The following XCL1 variants were observed in gnomAD, a reference collection of about 807,000 sequenced individuals.
XCL1 encodes the protein lymphotactin.
In XCL1, 6 loss-of-function variants were observed where a neutral mutation model predicts 7.4. That is an observed-to-expected ratio of 0.82 (90% CI 0.45 to 1.61). The LOEUF (loss-of-function observed/expected upper bound fraction) is 1.61. XCL1 is among the 40% of genes most tolerant of loss of function. The probability of loss-of-function intolerance (pLI) is 0.01; values close to 1 mark genes in which losing one functional copy is unlikely to be tolerated. For synonymous variants in XCL1, 48 were observed against 52.4 expected, an observed-to-expected ratio of 0.92 and a Z score of 0.36; for missense variants, 122 against 138.2, an observed-to-expected ratio of 0.88 and a Z score of 0.59.
At position 168,576,992 on chromosome 1, in the gene XCL1, C is replaced by G. The variant is rs186919711; in HGVS notation, c.61+294C>G. On this transcript the variant is annotated intron_variant, in intron 1 of 2. Transcript: ENST00000367818. ...ATTTATGTATAACTGAATAGTATAA[C>G]AGACATGATCACCTGAGATTAAGAT... Among the ~76,000 whole-genome samples, 781 of 151,946 alleles carry G rather than the reference C, an allele frequency of 5.1e-3. 14 individuals carry two copies. The highest frequency in any genetic ancestry group is 0.017 in the African/African-American group (713 of 41,288).
intron 1 of XCL1, among the ~76,000 whole-genome samples, chr1:168,577,434 A>G (rs1314557600): frequency 6.6e-6 from 1 of 152,130 alleles, no homozygotes; most frequent in Non-Finnish European, 1.5e-5. Context: ...AGTTCAATAA[A>G]CCTGCAAGAC....
rs1655045324 is a variant in XCL1 at position 168,577,236 on chromosome 1, C to T, written c.61+538C>T. On this transcript the variant is annotated intron_variant, in intron 1 of 2. Transcript: ENST00000367818. The stretch of plus-strand genomic sequence containing the variant: ...ATGTTCTGGAGTAAATCAATGTTTT[C>T]AATACAAAACTAAGCCCCAAATGAC... 2.6e-5 allele frequency among the ~76,000 whole-genome samples: 4 copies of T among 152,112 alleles called. No individual in the cohort carries two copies. The South Asian group carries it at 8.3e-4, about 32-fold the overall frequency.
chr1:168,577,072 T>G (rs1388679636), intron 1 of XCL1, among the ~76,000 whole-genome samples: 4 of 152,234 alleles, frequency 2.6e-5, no homozygotes, highest in African/African-American at 7.2e-5. Context: ...AAGCAGTAAT[T>G]TTTTGATTAA....
intron 2 of XCL1, among the ~76,000 whole-genome samples, 172 bp downstream of exon 2, chr1:168,580,349 C>T (rs755250939): frequency 2.6e-4 from 39 of 152,152 alleles, no homozygotes; most frequent in Admixed American, 8.5e-4. Flanking sequence ...GCAGCCCAAC[C>T]GAATAGCGAT....
At position 168,576,616 on chromosome 1, in the gene XCL1, A is replaced by G. The variant is rs533863905; in HGVS notation, c.-22A>G. On this transcript the variant is annotated 5_prime_UTR_variant, in exon 1 of 3. Coordinates refer to ENST00000367818, the MANE Select transcript of XCL1 (RefSeq NM_002995.3). ...AGAGCCCGATCCTCACTCTCCTTGC[A>G]CAGCTCAGCAGGACCTCAGCCATGA... The G allele has an allele frequency of 1.9e-6, 3 of 1,613,198 alleles. No individual in the cohort carries two copies. Among genetic ancestry groups the G allele is most frequent in the Admixed American group, 3.3e-5 (2 of 59,986 alleles).
intron 2 of XCL1, 31 bp downstream of exon 2, chr1:168,580,208 G>C: frequency 6.2e-7 from 1 of 1,610,372 alleles, no homozygotes; most frequent in Non-Finnish European, 8.5e-7. Context: ...GTTGTGCTGG[G>C]TGGGTATCTA....
intron 1 of XCL1, 137 bp downstream of exon 1, chr1:168,576,835 G>A: frequency 5.2e-6 from 6 of 1,157,414 alleles, no homozygotes; most frequent in Non-Finnish European, 7.4e-6. Flanking sequence ...GTGCAAGAAA[G>A]GAATGATGAT....
chr1:168,580,094 C>A lies in XCL1; in HGVS notation c.93C>A (p.Thr31=). 1 of 1,613,754 alleles carries A rather than the reference C, an allele frequency of 6.2e-7. No homozygotes were observed. Among genetic ancestry groups the A allele is most frequent in the Non-Finnish European group, 8.5e-7 (1 of 1,179,802 alleles). ...GVGSEVSDKR[T]CVSLTTQRLP... ...GGAGTGAAGTCTCAGATAAGAGGAC[C>A]TGTGTGAGCCTCACTACCCAGCGAC... Residue 31 remains threonine (T), a synonymous_variant, in exon 2 of 3, where the codon ACC becomes ACA. Coordinates refer to ENST00000367818, the MANE Select transcript of XCL1 (RefSeq NM_002995.3).
chr1:168,580,978 G>T, intron 2 of XCL1, 74 bp from the exon 3 acceptor site: 3 of 1,567,142 alleles, frequency 1.9e-6, no homozygotes, highest in Non-Finnish European at 2.6e-6. Context: ...CTTCATGTCT[G>T]CCCTGATCTT....
intron 2 of XCL1, 134 bp from the exon 3 acceptor site, chr1:168,580,918 T>A: frequency 3.1e-6 from 4 of 1,285,576 alleles, no homozygotes; most frequent in Non-Finnish European, 4.2e-6. Flanking sequence ...TCATTTATGA[T>A]CTCATGGCTC....
chr1:168,577,238 A>G (rs1325945307), intron 1 of XCL1, among the ~76,000 whole-genome samples: 6 of 152,208 alleles, frequency 3.9e-5, no homozygotes, highest in Admixed American at 2.6e-4. Context: ...AATGTTTTCA[A>G]TACAAAACTA....
At chr1:168,578,774 A>G in intron 1 of XCL1, 3 of 465,550 alleles carry the variant, frequency 6.4e-6, no homozygotes, top group South Asian at 4.8e-5. Context: ...TTGTCCTGAT[A>G]GCTTCCACCA....
intron 2 of XCL1, 55 bp from the exon 3 acceptor site, chr1:168,580,997 A>G: frequency 6.3e-7 from 1 of 1,595,836 alleles, no homozygotes; most frequent in Non-Finnish European, 8.6e-7. Context: ...TTAACTCCTG[A>G]CCCTGAGGCT....
rs1378808530 is a variant in XCL1, at chr1:168,581,145, C to T, written c.270C>T (p.Thr90=). The T allele has an allele frequency of 6.2e-7, 1 of 1,613,694 alleles. No individual in the cohort carries two copies. The highest frequency in any genetic ancestry group is 8.5e-7 in the Non-Finnish European group (1 of 1,179,806). ...VVRSMDRKSN[T]RNNMIQTKPT... ...GGAGCATGGACAGGAAATCCAACAC[C>T]AGAAATAACATGATCCAGACCAAGC... The change falls in exon 3 of 3, where the codon ACC becomes ACT. Residue 90 remains threonine, a synonymous_variant. Transcript: ENST00000367818.
chr1:168,579,925 A>G (rs900241415), intron 1 of XCL1, 138 bp from the exon 2 acceptor site: 15 of 726,088 alleles, frequency 2.1e-5, no homozygotes, highest in Middle Eastern at 3.9e-4. Context: ...CGGGATGCCT[A>G]TCAGTCCTCT....
chr1:168,581,219 A>T lies in XCL1; in HGVS notation c.344A>T (p.Ter115LeuextTer1). 1 of 1,613,442 alleles carries T rather than the reference A, an allele frequency of 6.2e-7. No homozygotes were observed. The highest frequency in any genetic ancestry group is 8.5e-7 in the Non-Finnish European group (1 of 1,179,556). Residue 115 changes from the stop codon to leucine, a stop_lost, in exon 3 of 3, where the codon TAG (stop) becomes TTG (leucine). Transcript: ENST00000367818. ...AATACAGCTGTGACTCTGACTGGCT[A>T]GTAGTCTCTGGCACCCTGTCCGTCT... ...STNTAVTLTG[*>L]
At chr1:168,577,355 G>C (rs1655047695) in intron 1 of XCL1, among the ~76,000 whole-genome samples, 1 of 152,104 alleles carries the variant, frequency 6.6e-6, no homozygotes, top group South Asian at 2.1e-4. Context: ...CTATTTATGA[G>C]AAATTTTCTG....
rs1384409306 is a variant in XCL1, at chr1:168,581,089, C to G, written c.214C>G (p.Pro72Ala). Reference sequence around the variant, plus strand: ...ACGTGGCCTAAAAGTCTGTGCTGATCCACAAGCCACATGGGTGAGAGACGT... The same window carrying G: ...ACGTGGCCTAAAAGTCTGTGCTGATGCACAAGCCACATGGGTGAGAGACGT... Reference protein sequence around the residue: ...TKRGLKVCADPQATWVRDVVR... With the variant: ...TKRGLKVCADAQATWVRDVVR... Residue 72 changes from proline to alanine, a missense_variant, in exon 3 of 3, where the codon CCA becomes GCA. Pro to Ala is a conservative substitution (Grantham distance 27). Transcript: ENST00000367818. The G allele has an allele frequency of 1.9e-6, 3 of 1,613,762 alleles. No homozygotes were observed. Among genetic ancestry groups the G allele is most frequent in the East Asian group, 2.2e-5 (1 of 44,882 alleles).
intron 1 of XCL1, chr1:168,578,749 A>G (rs1655084872): frequency 4.5e-6 from 2 of 445,118 alleles, no homozygotes; most frequent in African/African-American, 2.0e-5. Flanking sequence ...ATCTCATCAT[A>G]TCCGTCATTG....
Sources: allele counts gnomAD v4.1 joint callset (sites outside exome capture counted in the v4.1 genomes callset), GRCh38; gene constraint gnomAD v4.1.1; transcripts MANE v1.5; gene names NCBI Gene and HGNC (gene_info 2026-07-23, HGNC 2026-07-21).